Variants in GRM7 observed in about 807,000 individuals in gnomAD.
GRM7 encodes the protein glutamate metabotropic receptor 7.
A neutral mutation model predicts 84.5 loss-of-function variants in GRM7; 35 were observed. The ratio of observed to expected loss-of-function variants is 0.41; its 90% CI spans 0.32 to 0.55. GRM7 has a LOEUF of 0.55. GRM7 is among the 20% of genes least tolerant of loss of function. The probability of loss-of-function intolerance (pLI) is 0.19; values close to 1 mark genes in which losing one functional copy is unlikely to be tolerated. For synonymous variants in GRM7, 487 were observed against 455.1 expected (o/e 1.07, Z -0.89); for missense variants, 1,003 against 1,194.6 (o/e 0.84, Z 2.36).
intron 7 of GRM7, among the ~76,000 whole-genome samples, chr3:7,496,874 A>C (rs970491084): frequency 6.6e-6 from 1 of 152,080 alleles, no homozygotes; most frequent in Admixed American, 6.6e-5. Flanking sequence ...AAATGTGACA[A>C]AATGTTAATT....
chr3:7,473,612 TA>T (rs1313490289), intron 7 of GRM7, among the ~76,000 whole-genome samples: 1 of 151,494 alleles, frequency 6.6e-6, no homozygotes, highest in Non-Finnish European at 1.5e-5. Context: ...GGGTTTAAAT[TA>T]AGGCACTTCT....
chr3:7,690,855 G>A (rs1198948555), intron 9 of GRM7, among the ~76,000 whole-genome samples: 1 of 152,128 alleles, frequency 6.6e-6, no homozygotes, highest in Non-Finnish European at 1.5e-5. Flanking sequence ...GACAGATTTT[G>A]TCTTTATCAT....
At chr3:7,432,163 G>T (rs563476877) in intron 5 of GRM7, among the ~76,000 whole-genome samples, 29 of 152,292 alleles carry the variant, frequency 1.9e-4, no homozygotes, top group African/African-American at 6.7e-4. Flanking sequence ...TTCAAGAAAA[G>T]AATGTCTTCT....
intron 4 of GRM7, among the ~76,000 whole-genome samples, chr3:7,403,655 A>ATATATATATG (rs1695549567): frequency 6.8e-6 from 1 of 146,148 alleles, no homozygotes; most frequent in African/African-American, 2.5e-5. Flanking sequence ...ATATATGTAC[A>ATATATATATG]TACACACACA....
intron 1 of GRM7, among the ~76,000 whole-genome samples, chr3:7,069,086 C>T (rs1282187057): frequency 6.6e-6 from 1 of 150,678 alleles, no homozygotes; most frequent in African/African-American, 2.4e-5. Context: ...ATATATTAAT[C>T]TGGAATACAT....
intron 2 of GRM7, among the ~76,000 whole-genome samples, chr3:7,295,513 A>AAAAAT (rs138813150): frequency 1.3e-5 from 2 of 152,102 alleles, no homozygotes; most frequent in African/African-American, 2.4e-5. Context: ...TGAGGTCTAC[A>AAAAAT]AAAATAAAAT....
At chr3:7,001,356 TA>T (rs983934024) in intron 1 of GRM7, among the ~76,000 whole-genome samples, 2 of 151,024 alleles carry the variant, frequency 1.3e-5, no homozygotes, top group South Asian at 2.1e-4. Context: ...TCTCCAAAAC[TA>T]AAAAAAAATT....
At chr3:7,198,805 G>A (rs1021957661) in intron 2 of GRM7, among the ~76,000 whole-genome samples, 2 of 152,150 alleles carry the variant, frequency 1.3e-5, no homozygotes, top group Non-Finnish European at 2.9e-5. Flanking sequence ...AAAATTATAA[G>A]TTGAGCCATC....
intron 1 of GRM7, among the ~76,000 whole-genome samples, chr3:6,913,535 C>G (rs370128463): frequency 6.6e-6 from 1 of 152,142 alleles, no homozygotes; most frequent in African/African-American, 2.4e-5. Context: ...GTACTCTATT[C>G]TTATCTTTTT....
chr3:7,049,154 C>T (rs993022412), intron 1 of GRM7, among the ~76,000 whole-genome samples: 1 of 152,000 alleles, frequency 6.6e-6, no homozygotes, highest in Non-Finnish European at 1.5e-5. Context: ...TATTCCTATG[C>T]TCTCATTGAA....
At chr3:7,613,694 C>G (rs1248953283) in intron 8 of GRM7, among the ~76,000 whole-genome samples, 1 of 152,164 alleles carries the variant, frequency 6.6e-6, no homozygotes, top group East Asian at 1.9e-4. Context: ...AATTTCCTCT[C>G]TAAGGCCCCT....
chr3:7,334,370 A>C (rs572583759), intron 4 of GRM7, among the ~76,000 whole-genome samples: 1 of 152,244 alleles, frequency 6.6e-6, no homozygotes, highest in Admixed American at 6.5e-5. Flanking sequence ...TTTGCCTGCT[A>C]CCAAGCCAGC....
chr3:7,560,241 T>C (rs1433726294), intron 7 of GRM7: 3 of 152,050 alleles, frequency 2.0e-5, no homozygotes, highest in Non-Finnish European at 4.4e-5. Context: ...CTGTAAGTAA[T>C]GTATCTGTCT....
intron 1 of GRM7, among the ~76,000 whole-genome samples, chr3:7,070,699 A>G (rs1441713440): frequency 6.6e-6 from 1 of 151,962 alleles, no homozygotes; most frequent in African/African-American, 2.4e-5. Context: ...AGAGTTTTGA[A>G]TGTCTTAGTA....
At chr3:7,258,745 A>G (rs149466811) in intron 2 of GRM7, among the ~76,000 whole-genome samples, 3 of 152,342 alleles carry the variant, frequency 2.0e-5, no homozygotes, top group African/African-American at 7.2e-5. Flanking sequence ...ACAATCCATC[A>G]TCTCCTTCTG....
intron 8 of GRM7, among the ~76,000 whole-genome samples, chr3:7,632,983 TAGAAAC>T (rs1367682564): frequency 1.3e-5 from 2 of 152,214 alleles, no homozygotes; most frequent in Admixed American, 6.5e-5. Context: ...ATATTTTTGA[TAGAAAC>T]AGAACCTAAA....
intron 1 of GRM7, among the ~76,000 whole-genome samples, chr3:6,984,333 G>C (rs920632111): frequency 1.1e-4 from 17 of 152,054 alleles, no homozygotes; most frequent in African/African-American, 3.6e-4. Context: ...AAAAGTGTTG[G>C]GGAGAAGAAA....
intron 2 of GRM7, among the ~76,000 whole-genome samples, chr3:7,162,210 A>G (rs919558088): frequency 3.9e-5 from 6 of 152,274 alleles, no homozygotes; most frequent in African/African-American, 1.2e-4. Flanking sequence ...GAAGTCCACA[A>G]TAGAGACCTA....
At chr3:7,464,567 A>G (rs532089214) in intron 7 of GRM7, among the ~76,000 whole-genome samples, 16 of 152,264 alleles carry the variant, frequency 1.1e-4, no homozygotes, top group African/African-American at 3.6e-4. Context: ...GCAGTGGCTC[A>G]TGCCTGTAAT....
Sources: gnomAD v4.1 joint callset for allele counts (sites outside exome capture counted in the v4.1 genomes callset) on GRCh38, gnomAD v4.1.1 for gene constraint, MANE v1.5 for transcripts, NCBI Gene and HGNC (gene_info 2026-07-23, HGNC 2026-07-21) for gene names.